Variants in GLI2 observed in about 807,000 individuals in gnomAD.
GLI2 encodes the protein transcription activator GLI2.
In GLI2, 22 loss-of-function variants were observed where a neutral mutation model predicts 78.9. The observed-to-expected ratio is 0.28, with a 90% CI of 0.20 to 0.40. The LOEUF (loss-of-function observed/expected upper bound fraction) is 0.40. Among genes scored for constraint, GLI2 ranks in the 10% least tolerant of loss-of-function variants. The pLI is 1.00. For synonymous variants in GLI2, 974 were observed against 963.7 expected (o/e 1.01, Z -0.20); for missense variants, 2,097 against 2,213.2 (o/e 0.95, Z 1.05).
intron 5 of GLI2, among the ~76,000 whole-genome samples, chr2:120,960,776 C>G (rs567250528): frequency 1.3e-5 from 2 of 152,366 alleles, no homozygotes; most frequent in African/African-American, 4.8e-5. Context: ...CCCTGCGTTC[C>G]TCCCAGGGCA....
At chr2:120,898,844 G>T (rs1445933683) in intron 2 of GLI2, among the ~76,000 whole-genome samples, 1 of 152,156 alleles carries the variant, frequency 6.6e-6, no homozygotes, top group African/African-American at 2.4e-5. Context: ...GCTGGATGTT[G>T]TTCTCACCCA....
intron 2 of GLI2, among the ~76,000 whole-genome samples, chr2:120,801,935 T>A (rs1479503385): frequency 6.6e-6 from 1 of 152,176 alleles, no homozygotes; most frequent in Non-Finnish European, 1.5e-5. Context: ...GCTTTTAGAT[T>A]GTTATTTAGA....
chr2:120,898,031 C>T (rs775716526), intron 2 of GLI2, among the ~76,000 whole-genome samples: 3 of 152,078 alleles, frequency 2.0e-5, no homozygotes, highest in Non-Finnish European at 4.4e-5. Flanking sequence ...AGTTGATACA[C>T]TGTGATTTTC....
chr2:120,913,671 T>C (rs1158827344), intron 2 of GLI2, among the ~76,000 whole-genome samples: 1 of 152,176 alleles, frequency 6.6e-6, no homozygotes, highest in Non-Finnish European at 1.5e-5. Context: ...CCTGCTTGGA[T>C]GAAAGAATGG....
At chr2:120,911,766 C>T (rs1363999867) in intron 2 of GLI2, among the ~76,000 whole-genome samples, 1 of 151,604 alleles carries the variant, frequency 6.6e-6, no homozygotes, top group African/African-American at 2.4e-5. Flanking sequence ...TTCCTGGAGG[C>T]AGGCTCGTGT....
At chr2:120,793,634 C>T (rs545411102) in intron 1 of GLI2, among the ~76,000 whole-genome samples, 5 of 152,142 alleles carry the variant, frequency 3.3e-5, no homozygotes, top group South Asian at 2.1e-4. Context: ...GGTGGGAAGG[C>T]GAGGCCACGG....
chr2:120,907,940 G>C (rs1017299875), intron 2 of GLI2, among the ~76,000 whole-genome samples: 1 of 152,228 alleles, frequency 6.6e-6, no homozygotes, highest in Non-Finnish European at 1.5e-5. Flanking sequence ...GAACGATGCA[G>C]CTGTGATGGG....
Position 120,797,470 on chromosome 2 carries a change from TA to T in GLI2, c.148+3del. 6.2e-7 allele frequency: 1 copy of T among 1,613,386 alleles called. No individual in the cohort carries two copies. ...CAGCAGCGGTAGCTGCCCAAGGAGG[TA>T]CTTTCTGTTTCGCACACTTGGAGGG... is the stretch of plus-strand genomic sequence containing the variant. On this transcript the variant is annotated splice_donor_region_variant and intron_variant, in intron 2 of 13. Transcript: ENST00000361492.
intron 2 of GLI2, among the ~76,000 whole-genome samples, chr2:120,894,071 CTA>C (rs1677818488): frequency 6.6e-6 from 1 of 152,154 alleles, no homozygotes; most frequent in African/African-American, 2.4e-5. Context: ...CCCGAGAGGC[CTA>C]TTGTGGGGAC....
chr2:120,816,245 C>T (rs1261694341), intron 2 of GLI2, among the ~76,000 whole-genome samples: 1 of 143,158 alleles, frequency 7.0e-6, no homozygotes, highest in Non-Finnish European at 1.5e-5. Flanking sequence ...GACTGGAGTG[C>T]AGTGCAGTGG....
intron 2 of GLI2, among the ~76,000 whole-genome samples, chr2:120,798,555 C>T (rs948917295): frequency 2.0e-5 from 3 of 152,098 alleles, no homozygotes; most frequent in Admixed American, 1.3e-4. Context: ...AGTGGGAGGT[C>T]ATTATTGGGA....
chr2:120,963,290 A>G (rs1681673315), intron 5 of GLI2, among the ~76,000 whole-genome samples: 1 of 152,240 alleles, frequency 6.6e-6, no homozygotes, highest in Non-Finnish European at 1.5e-5. Flanking sequence ...GTGTGTCTTC[A>G]CAACAGCCCT....
intron 2 of GLI2, among the ~76,000 whole-genome samples, chr2:120,799,357 C>A (rs67762664): frequency 0.031 from 4,645 of 152,272 alleles, 75 homozygotes; most frequent in Middle Eastern, 0.037. Context: ...ACCCAGCCTT[C>A]GTGAGCATAG....
At chr2:120,976,712 G>T (rs1383631844) in intron 9 of GLI2, among the ~76,000 whole-genome samples, 3 of 152,230 alleles carry the variant, frequency 2.0e-5, no homozygotes, top group African/African-American at 4.8e-5. Flanking sequence ...CCCAAACTGG[G>T]AGGAGGGCTT....
intron 3 of GLI2, among the ~76,000 whole-genome samples, chr2:120,946,155 A>C (rs550953181): frequency 6.6e-6 from 1 of 152,196 alleles, no homozygotes; most frequent in East Asian, 1.9e-4. Context: ...CCTCTGCTGG[A>C]GCCCTTATCA....
chr2:120,983,944 G>GTGT (rs1553477403), intron 11 of GLI2, among the ~76,000 whole-genome samples: 41 of 120,798 alleles, frequency 3.4e-4, no homozygotes, highest in African/African-American at 1.1e-3. Flanking sequence ...CGTGGTGTGT[G>GTGT]GGGTGTGTGT....
At chr2:120,760,662 G>C (rs1350340312) in intron 1 of GLI2, among the ~76,000 whole-genome samples, 2 of 152,172 alleles carry the variant, frequency 1.3e-5, no homozygotes, top group African/African-American at 4.8e-5. Context: ...ACTGAGCCTT[G>C]CTTGGTTAGC....
Position 120,986,626 on chromosome 2 carries a change from C to A in GLI2, c.2242+12C>A. ...CCTCCCGGGAAGTGGTGAGTAAAGG[C>A]CTGGGGTTTGCAGATGGGGCAGAAG... On this transcript the variant is annotated intron_variant, in intron 13 of 13. Coordinates refer to ENST00000361492, the MANE Select transcript of GLI2 (RefSeq NM_001374353.1). 1 of 1,611,756 alleles carries A rather than the reference C, an allele frequency of 6.2e-7. No homozygotes were observed. Among genetic ancestry groups the A allele is most frequent in the Non-Finnish European group, 8.5e-7 (1 of 1,178,186 alleles).
intron 1 of GLI2, among the ~76,000 whole-genome samples, chr2:120,765,756 C>T (rs1026127844): frequency 2.0e-5 from 3 of 152,238 alleles, no homozygotes; most frequent in Non-Finnish European, 2.9e-5. Context: ...GCTCTTTCTC[C>T]GTTGCAGTCA....
Sources: gnomAD v4.1 joint callset for allele counts (sites outside exome capture counted in the v4.1 genomes callset) on GRCh38, gnomAD v4.1.1 for gene constraint, MANE v1.5 for transcripts, NCBI Gene and HGNC (gene_info 2026-07-23, HGNC 2026-07-21) for gene names.